Variants in ZNF84 observed in about 807,000 individuals in gnomAD.
ZNF84 encodes the protein zinc finger protein HPF2.
ZNF84 carries 12 observed loss-of-function variants against 14.8 expected under a neutral mutation model. That is an observed-to-expected ratio of 0.81 (90% CI 0.52 to 1.31). ZNF84 has a LOEUF of 1.31. ZNF84 is among the 50% of genes most tolerant of loss of function. The pLI is 0.00. For missense variants in ZNF84, 859 were observed against 878.6 expected, an observed-to-expected ratio of 0.98 and a Z score of 0.28; for synonymous variants, 347 against 291.1, an observed-to-expected ratio of 1.19 and a Z score of -1.96.
At chr12:133,041,618 T>G (rs1160349319) in intron 2 of ZNF84, 136 bp downstream of exon 2, 1 of 867,242 alleles carries the variant, frequency 1.2e-6, no homozygotes, top group Non-Finnish European at 1.9e-6. Flanking sequence ...TGGAACAAAA[T>G]TGGCACAGTG....
chr12:133,045,788 G>T (rs1166044433), intron 2 of ZNF84, among the ~76,000 whole-genome samples: 2 of 151,784 alleles, frequency 1.3e-5, no homozygotes, highest in Non-Finnish European at 2.9e-5. Context: ...TGAATTTTTT[G>T]GTTTATATAT....
At chr12:133,054,675 A>G (rs1172322492) in intron 4 of ZNF84, among the ~76,000 whole-genome samples, 1 of 150,882 alleles carries the variant, frequency 6.6e-6, no homozygotes, top group African/African-American at 2.4e-5. Flanking sequence ...ATTTTACAAC[A>G]TAAACATATA....
intron 4 of ZNF84, among the ~76,000 whole-genome samples, chr12:133,053,665 C>A (rs1011228660): frequency 1.3e-4 from 20 of 152,232 alleles, no homozygotes; most frequent in Non-Finnish European, 2.5e-4. Context: ...ATCACTTGAG[C>A]CCAGGAGTTC....
At chr12:133,049,469 TCC>T (rs1954038135) in intron 4 of ZNF84, among the ~76,000 whole-genome samples, 2 of 152,092 alleles carry the variant, frequency 1.3e-5, no homozygotes, top group African/African-American at 4.8e-5. Context: ...ATATGAATAA[TCC>T]CTTTCTTGTT....
Position 133,061,502 on chromosome 12 carries a change from C to T in ZNF84, c.*2570C>T, listed in dbSNP as rs980281768. The T allele has an allele frequency of 1.9e-4, 29 of 152,240 alleles. No homozygotes were observed. The highest frequency in any genetic ancestry group is 6.7e-4 in the African/African-American group (28 of 41,544). 9.4% of individuals were successfully genotyped at this position (152,240 alleles called of 1,614,324 possible). A position where few individuals can be genotyped will look rare whatever the true frequency, so the allele number is the denominator to read the frequency against. ...AAAAGAACTTCCTACTTTTTAATAT[C>T]TCAAATTCATTTTACTAGACGTGGG... On this transcript the variant is annotated 3_prime_UTR_variant, in exon 5 of 5. Coordinates refer to ENST00000539354, the MANE Select transcript of ZNF84 (RefSeq NM_001289971.2).
At chr12:133,044,280 G>C (rs1953939845) in intron 2 of ZNF84, among the ~76,000 whole-genome samples, 1 of 151,798 alleles carries the variant, frequency 6.6e-6, no homozygotes, top group African/African-American at 2.4e-5. Context: ...AAGTAGATGG[G>C]ACTACAGGCA....
At chr12:133,050,993 G>A (rs1275609184) in intron 4 of ZNF84, among the ~76,000 whole-genome samples, 1 of 152,110 alleles carries the variant, frequency 6.6e-6, no homozygotes, top group African/African-American at 2.4e-5. Context: ...GTGATCATAG[G>A]TCACTGCAGC....
chr12:133,057,312 A>G lies in ZNF84; in HGVS notation c.597A>G (p.Arg199=), dbSNP rs2230099. The G allele has an allele frequency of 0.032, 51,207 of 1,613,108 alleles. 1,044 individuals carry two copies. Among genetic ancestry groups the G allele is most frequent in the South Asian group, 0.063 (5,685 of 90,862 alleles). Reference sequence around the variant, plus strand: ...AGTCACAGATTATCATATATCATAGAAATCGTTTAGGGGAGAAACTCTATG... The same window carrying G: ...AGTCACAGATTATCATATATCATAGGAATCGTTTAGGGGAGAAACTCTATG... The part of the protein sequence containing the change: ...YKKSQIIIYH[R]NRLGEKLYEC... The change falls in exon 5 of 5, where the codon AGA becomes AGG. Residue 199 remains arginine (R), a synonymous_variant. Coordinates refer to ENST00000539354, the MANE Select transcript of ZNF84 (RefSeq NM_001289971.2).
chr12:133,040,229 G>A (rs1953862223), intron 1 of ZNF84, among the ~76,000 whole-genome samples: 1 of 151,912 alleles, frequency 6.6e-6, no homozygotes, highest in African/African-American at 2.4e-5. Flanking sequence ...AAGATTTTTA[G>A]TGTAGTTGAC....
intron 1 of ZNF84, among the ~76,000 whole-genome samples, chr12:133,038,538 A>G (rs972364958): frequency 7.7e-5 from 11 of 143,204 alleles, no homozygotes; most frequent in Non-Finnish European, 1.5e-4. Context: ...TTCAGCCTGG[A>G]CAACACAGTA....
intron 4 of ZNF84, among the ~76,000 whole-genome samples, chr12:133,049,774 T>C (rs1270734835): frequency 1.3e-5 from 2 of 152,168 alleles, no homozygotes; most frequent in South Asian, 2.1e-4. Context: ...CCACTGCATA[T>C]GGCCGAATAA....
chr12:133,056,979 G>C lies in ZNF84; in HGVS notation c.264G>C (p.Met88Ile). The C allele has an allele frequency of 6.3e-7, 1 of 1,590,640 alleles. No homozygotes were observed. ...SPEVWKVDGN[M>I]MWHQDNQDKL... ...AAGTCTGGAAAGTAGATGGTAACAT[G>C]ATGTGGCACCAGGATAACCAAGACA... Residue 88 changes from methionine to isoleucine, a missense_variant, in exon 5 of 5, where the codon ATG becomes ATC. Coordinates refer to ENST00000539354, the MANE Select transcript of ZNF84 (RefSeq NM_001289971.2).
At chr12:133,051,192 G>C (rs1954063150) in intron 4 of ZNF84, among the ~76,000 whole-genome samples, 1 of 150,658 alleles carries the variant, frequency 6.6e-6, no homozygotes, top group Non-Finnish European at 1.5e-5. Flanking sequence ...CTTTTTAGTT[G>C]AGATCCACTC....
rs623100 is a variant in ZNF84 at position 133,057,864 on chromosome 12, A to G, written c.1149A>G (p.Ala383=). The G allele has an allele frequency of 6.2e-7, 1 of 1,614,012 alleles. No homozygotes were observed. The highest frequency in any genetic ancestry group is 1.3e-5 in the African/African-American group (1 of 74,886). ...KPFGCSDCRK[A]FFEKSELIRH... Reference sequence around the variant, plus strand: ...TTGGATGTAGTGATTGTAGAAAAGCATTCTTTGAGAAGTCAGAGCTTATTA... The same window carrying G: ...TTGGATGTAGTGATTGTAGAAAAGCGTTCTTTGAGAAGTCAGAGCTTATTA... The change falls in exon 5 of 5, where the codon GCA becomes GCG. Residue 383 remains alanine (A), a synonymous_variant. Coordinates refer to ENST00000539354, the MANE Select transcript of ZNF84 (RefSeq NM_001289971.2).
Position 133,058,492 on chromosome 12 carries a change from C to T in ZNF84, c.1777C>T (p.His593Tyr). The T allele has an allele frequency of 6.2e-7, 1 of 1,614,218 alleles. No homozygotes were observed. The highest frequency in any genetic ancestry group is 8.5e-7 in the Non-Finnish European group (1 of 1,180,040). ...KSQLNTHQRI[H>Y]TGEKPYECSL... Reference sequence around the variant, plus strand: ...ACAGCTAAATACCCATCAGAGAATTCACACTGGAGAGAAACCCTATGAATG... The same window carrying T: ...ACAGCTAAATACCCATCAGAGAATTTACACTGGAGAGAAACCCTATGAATG... The change falls in exon 5 of 5, where the codon CAC becomes TAC. Residue 593 changes from histidine (H) to tyrosine (Y), a missense_variant. By Grantham distance (83) the His-to-Tyr change is moderately conservative. Transcript: ENST00000539354.
chr12:133,054,139 TG>T (rs1954113325), intron 4 of ZNF84, among the ~76,000 whole-genome samples: 1 of 151,876 alleles, frequency 6.6e-6, no homozygotes, highest in Non-Finnish European at 1.5e-5. Context: ...CTTACTGGTT[TG>T]GGAGGGTAAA....
chr12:133,057,762 C>T lies in ZNF84; in HGVS notation c.1047C>T (p.Cys349=). 1 of 1,613,864 alleles carries T rather than the reference C, an allele frequency of 6.2e-7. No homozygotes were observed. Among genetic ancestry groups the T allele is most frequent in the African/African-American group, 1.3e-5 (1 of 74,920 alleles). ...ATACCGGTGAGAAGCCTTTTGAATG[C>T]AGGGAATGTGGGAAAGCCTTCAGCA... The part of the protein sequence containing the change: ...RIHTGEKPFE[C]RECGKAFSRK... The change falls in exon 5 of 5, where the codon TGC becomes TGT. Residue 349 remains cysteine (C), a synonymous_variant. Transcript: ENST00000539354.
At chr12:133,051,857 A>T (rs1010775465) in intron 4 of ZNF84, among the ~76,000 whole-genome samples, 3 of 152,164 alleles carry the variant, frequency 2.0e-5, no homozygotes, top group African/African-American at 2.4e-5. Flanking sequence ...AGGGCTTTCT[A>T]TGGATGGTAG....
intron 3 of ZNF84, 71 bp from the exon 4 acceptor site, chr12:133,048,682 C>T: frequency 1.7e-6 from 2 of 1,177,346 alleles, no homozygotes; most frequent in South Asian, 1.3e-5. Context: ...GATGTGAAAC[C>T]TTGCTCAACT....
Sources: gnomAD v4.1 joint callset for allele counts (sites outside exome capture counted in the v4.1 genomes callset) on GRCh38, gnomAD v4.1.1 for gene constraint, MANE v1.5 for transcripts, NCBI Gene and HGNC (gene_info 2026-07-23, HGNC 2026-07-21) for gene names.